MICALL1: variants seen among roughly 807,000 people sequenced by gnomAD.
MICALL1 encodes MICAL like 1.
MICALL1 carries 61 observed loss-of-function variants against 83.7 expected under a neutral mutation model. That is an observed-to-expected ratio of 0.73 (90% CI 0.59 to 0.90). The LOEUF (loss-of-function observed/expected upper bound fraction) is 0.90. MICALL1 is among the 40% of genes least tolerant of loss of function. MICALL1 has a pLI of 0.00. For missense variants in MICALL1, 1,066 were observed against 1,152.0 expected (o/e 0.93, Z 1.08); for synonymous variants, 481 against 473.6 (o/e 1.02, Z -0.20).
At chr22:37,912,742 C>T (rs1346252789) in intron 3 of MICALL1, among the ~76,000 whole-genome samples, 6 of 151,974 alleles carry the variant, frequency 3.9e-5, no homozygotes, top group African/African-American at 1.2e-4. Context: ...TCTCGGCTCA[C>T]TGCAACCTCC....
In MICALL1 at chr22:37,937,278, G is replaced by A. The variant is rs997130615; in HGVS notation, c.2423+84G>A. The A allele has an allele frequency of 3.4e-6, 4 of 1,164,162 alleles. No individual in the cohort carries two copies. The South Asian group carries it at 5.6e-5, about 16-fold the overall frequency. 72.1% of individuals were successfully genotyped at this position (1,164,162 alleles called of 1,614,324 possible). On this transcript the variant is annotated intron_variant, in intron 14 of 15. Coordinates refer to ENST00000215957, the MANE Select transcript of MICALL1 (RefSeq NM_033386.4). ...GCCTCATGGGTGGGGCAGCTCCCTG[G>A]AGAGCCAAAGACACAGTCCACGCCT...
At chr22:37,934,712 T>G (rs1929995313) in intron 13 of MICALL1, among the ~76,000 whole-genome samples, 1 of 149,856 alleles carries the variant, frequency 6.7e-6, no homozygotes, top group Non-Finnish European at 1.5e-5. Flanking sequence ...TTTTCCTGCC[T>G]GAGCCTCCCA....
At chr22:37,925,595 CTAGAG>C in intron 7 of MICALL1, 61 bp from the exon 8 acceptor site, 1 of 1,231,826 alleles carries the variant, frequency 8.1e-7, no homozygotes, top group African/African-American at 1.5e-5. Context: ...TCAAAACTGT[CTAGAG>C]AGAGAAGGAA....
chr22:37,919,236 C>T (rs1928873108), intron 5 of MICALL1, 58 bp downstream of exon 5: 1 of 1,441,470 alleles, frequency 6.9e-7, no homozygotes, highest in East Asian at 2.8e-5. Flanking sequence ...ACCGTGGGTT[C>T]AGCACACACA....
Position 37,940,903 on chromosome 22 carries a change from G to C in MICALL1, c.*73G>C. 2.5e-6 allele frequency: 4 copies of C among 1,582,946 alleles called. No individual in the cohort carries two copies. The highest frequency in any genetic ancestry group is 3.4e-6 in the Non-Finnish European group (4 of 1,160,552). On this transcript the variant is annotated 3_prime_UTR_variant, in exon 16 of 16. Transcript: ENST00000215957. ...GGGCTGTGCTCTGTTTGAAGGGGGC[G>C]CCCTGCTCCCCTCAGATCAGTCAGG...
At chr22:37,920,086 A>C (rs1204350723) in intron 5 of MICALL1, among the ~76,000 whole-genome samples, 2 of 152,128 alleles carry the variant, frequency 1.3e-5, no homozygotes, top group Non-Finnish European at 2.9e-5. Context: ...TACCCTCCCA[A>C]GTAATCGGGA....
chr22:37,938,598 C>T (rs1488071899), intron 15 of MICALL1, among the ~76,000 whole-genome samples: 1 of 150,312 alleles, frequency 6.7e-6, no homozygotes, highest in Admixed American at 6.6e-5. Context: ...GGACTACAGG[C>T]GCATGCCATC....
At chr22:37,928,428 G>C (rs1435459053) in intron 9 of MICALL1, among the ~76,000 whole-genome samples, 1 of 152,116 alleles carries the variant, frequency 6.6e-6, no homozygotes, top group Non-Finnish European at 1.5e-5. Context: ...AGATGGTCTC[G>C]ATCTCCTGAC....
rs1404221587 is a variant in MICALL1 at position 37,922,351 on chromosome 22, C to A, written c.949C>A (p.Pro317Thr). 3.3e-6 allele frequency: 5 copies of A among 1,530,026 alleles called. No homozygotes were observed. Among genetic ancestry groups the A allele is most frequent in the Middle Eastern group, 2.2e-4 (1 of 4,478 alleles). 94.8% of individuals were successfully genotyped at this position (1,530,026 alleles called of 1,614,324 possible). Residue 317 changes from proline to threonine, a missense_variant, in exon 6 of 16, where the codon CCC becomes ACC. Physicochemically the swap from Pro to Thr is conservative, Grantham distance 38. Coordinates refer to ENST00000215957, the MANE Select transcript of MICALL1 (RefSeq NM_033386.4). The stretch of plus-strand genomic sequence containing the variant: ...CTCTGAGAGCACCACCCCAGCACCC[C>A]CCACGCCCCGGCCCCGCTCCAGTCT... ...KASESTTPAP[P>T]TPRPRSSLQQ...
At chr22:37,918,912 A>T (rs990551091) in intron 4 of MICALL1, 124 bp from the exon 5 acceptor site, 2 of 1,225,014 alleles carry the variant, frequency 1.6e-6, no homozygotes, top group Non-Finnish European at 1.1e-6. Flanking sequence ...GTCCATTTCC[A>T]CCACGAAGCC....
chr22:37,934,749 A>G (rs1929997850), intron 13 of MICALL1, among the ~76,000 whole-genome samples: 1 of 150,052 alleles, frequency 6.7e-6, no homozygotes, highest in Non-Finnish European at 1.5e-5. Context: ...GGCGCCTGCC[A>G]CCACGCCCGG....
intron 2 of MICALL1, 111 bp from the exon 3 acceptor site, chr22:37,912,240 G>A: frequency 5.8e-6 from 8 of 1,370,526 alleles, no homozygotes; most frequent in Non-Finnish European, 8.0e-6. Flanking sequence ...GGAGCCCACA[G>A]TCACCCCATC....
chr22:37,911,906 AGTC>A (rs1210810030), intron 1 of MICALL1, 43 bp from the exon 2 acceptor site: 1 of 1,602,190 alleles, frequency 6.2e-7, no homozygotes, highest in Non-Finnish European at 8.6e-7. Flanking sequence ...CCTATTTCCC[AGTC>A]ACCTCCCCTC....
chr22:37,918,983 G>T, intron 4 of MICALL1, 53 bp from the exon 5 acceptor site: 1 of 1,495,864 alleles, frequency 6.7e-7, no homozygotes, highest in Non-Finnish European at 9.0e-7. Flanking sequence ...ATGTGAACAG[G>T]ATGGCTGGTG....
chr22:37,937,627 T>C (rs1410673696), intron 14 of MICALL1, 119 bp from the exon 15 acceptor site: 1 of 972,328 alleles, frequency 1.0e-6, no homozygotes. Context: ...TTTCACCATG[T>C]TGGCTAGGCT....
intron 4 of MICALL1, 25 bp downstream of exon 4, chr22:37,917,820 G>A: frequency 6.2e-7 from 1 of 1,607,114 alleles, no homozygotes; most frequent in South Asian, 1.1e-5. Context: ...GGAGAGGTGG[G>A]AGGGCCAGGG....
rs777153477 is a variant in MICALL1, at chr22:37,922,079, G to T, written c.677G>T (p.Arg226Leu). The T allele has an allele frequency of 1.1e-5, 18 of 1,613,392 alleles. No homozygotes were observed. In the South Asian group the frequency reaches 1.6e-4, roughly 15 times the overall value. ...TGTGCCAGGCTGGGCCCGGGGACAC[G>T]GTCGGGGACCAGGCCTGGGCCCTTC... is the stretch of plus-strand genomic sequence containing the variant. ...EHCARLGPGT[R>L]SGTRPGPFSQ... The change falls in exon 6 of 16, where the codon CGG becomes CTG. Residue 226 changes from arginine to leucine, a missense_variant. Transcript: ENST00000215957.
At position 37,922,020 on chromosome 22, in the gene MICALL1, G is replaced by T; in HGVS notation, c.618G>T (p.Gly206=). The T allele has an allele frequency of 6.2e-7, 1 of 1,610,830 alleles. No homozygotes were observed. The highest frequency in any genetic ancestry group is 8.5e-7 in the Non-Finnish European group (1 of 1,178,230). ...TGCTCCCTGGGGCTTATGAGAATGG[G>T]CCTGAGGAGGGCACCTTTGTGTGTG... The part of the protein sequence containing the change: ...STLLPGAYEN[G]PEEGTFVCAE... Residue 206 remains glycine, a synonymous_variant, in exon 6 of 16, where the codon GGG becomes GGT. Transcript: ENST00000215957.
intron 14 of MICALL1, among the ~76,000 whole-genome samples, chr22:37,937,408 G>A: frequency 6.7e-6 from 1 of 149,148 alleles, no homozygotes; most frequent in Non-Finnish European, 1.5e-5. Context: ...AGGACTCTCA[G>A]CTGCCGCTGC....
Sources: allele counts gnomAD v4.1 joint callset (sites outside exome capture counted in the v4.1 genomes callset), GRCh38; gene constraint gnomAD v4.1.1; transcripts MANE v1.5; gene names NCBI Gene and HGNC (gene_info 2026-07-23, HGNC 2026-07-21).